The following PTPN3 variants were observed in gnomAD, a reference collection of about 807,000 sequenced individuals.
PTPN3 encodes tyrosine-protein phosphatase non-receptor type 3.
PTPN3 carries 96 observed loss-of-function variants against 132.7 expected under a neutral mutation model. The ratio of observed to expected loss-of-function variants is 0.72; its 90% CI spans 0.61 to 0.86. The LOEUF (loss-of-function observed/expected upper bound fraction) is 0.86. Among genes scored for constraint, PTPN3 ranks in the 40% least tolerant of loss-of-function variants. The pLI is 0.00. For synonymous variants in PTPN3, 398 were observed against 429.0 expected (o/e 0.93, Z 0.89); for missense variants, 1,125 against 1,159.6 (o/e 0.97, Z 0.43).
intron 1 of PTPN3, among the ~76,000 whole-genome samples, chr9:109,492,740 C>A (rs1847518235): frequency 1.3e-5 from 2 of 152,174 alleles, no homozygotes; most frequent in Middle Eastern, 3.2e-3. Context: ...TCTCTGCAAG[C>A]GTGGCTGCTA....
intron 12 of PTPN3, 89 bp from the exon 13 acceptor site, chr9:109,422,941 T>C (rs1008755195): frequency 1.3e-6 from 2 of 1,485,300 alleles, no homozygotes; most frequent in African/African-American, 2.8e-5. Context: ...CACATGCTTC[T>C]TGTCTGAAGG....
At position 109,377,456 on chromosome 9, in the gene PTPN3, AC is replaced by A. The variant is rs1432799484; in HGVS notation, c.*2099del. 1.1e-4 allele frequency: 14 copies of A among 129,936 alleles called. No homozygotes were observed. The highest frequency in any genetic ancestry group is 1.4e-4 in the Non-Finnish European group (9 of 62,306). 8.0% of individuals were successfully genotyped at this position (129,936 alleles called of 1,614,324 possible). ...CACACACACACACACACACACACAC[AC>A]AAGCCAGGTGAGGTGGCATGTGCCT... On this transcript the variant is annotated 3_prime_UTR_variant, in exon 26 of 26. Transcript: ENST00000374541.
chr9:109,404,762 T>TA (rs137880117), intron 18 of PTPN3, among the ~76,000 whole-genome samples, 154 bp from the exon 19 acceptor site: 1 of 152,362 alleles, frequency 6.6e-6, no homozygotes, highest in East Asian at 1.9e-4. Flanking sequence ...TCACCAAAGA[T>TA]ACTACTTCTA....
intron 6 of PTPN3, among the ~76,000 whole-genome samples, chr9:109,446,915 T>C (rs754578745): frequency 6.6e-6 from 1 of 151,892 alleles, no homozygotes; most frequent in Non-Finnish European, 1.5e-5. Context: ...AGATGACACC[T>C]TGAGTGCCGG....
At chr9:109,502,874 T>C (rs549013224), upstream of PTPN3, among the ~76,000 whole-genome samples, 2 of 152,334 alleles carry the variant, frequency 1.3e-5, no homozygotes, top group Admixed American at 1.3e-4. Context: ...ATTTAATGCA[T>C]ACACATAGAA....
intron 2 of PTPN3, among the ~76,000 whole-genome samples, chr9:109,459,144 G>T (rs915074326): frequency 3.3e-5 from 5 of 152,354 alleles, no homozygotes; most frequent in African/African-American, 7.2e-5. Flanking sequence ...GTTCTCAAGA[G>T]AAATTAAAAT....
intron 25 of PTPN3, among the ~76,000 whole-genome samples, 172 bp from the exon 26 acceptor site, chr9:109,379,805 G>A (rs1172747284): frequency 6.6e-6 from 1 of 152,220 alleles, no homozygotes; most frequent in Non-Finnish European, 1.5e-5. Flanking sequence ...CGGGGAGGGG[G>A]CACTCCCAGA....
chr9:109,404,062 T>C (rs1564397289), intron 19 of PTPN3, among the ~76,000 whole-genome samples: 1 of 152,200 alleles, frequency 6.6e-6, no homozygotes. Context: ...CTTCCACTGC[T>C]GGGAGTTTTG....
chr9:109,420,751 C>A lies in PTPN3; in HGVS notation c.1137-151G>T, dbSNP rs1032141561. The stretch of plus-strand genomic sequence containing the variant: ...CAGAGCCGGTTAACTCATTACTACC[C>A]CAGCAGAAGGCACCAAGGGTGACAC... On this transcript the variant is annotated intron_variant, in intron 13 of 25. Coordinates refer to ENST00000374541, the MANE Select transcript of PTPN3 (RefSeq NM_002829.4). 9 of 793,326 alleles carry A rather than the reference C, an allele frequency of 1.1e-5. No homozygotes were observed. In the African/African-American group the frequency reaches 1.6e-4, roughly 14 times the overall value. The allele number at this position is 793,326 out of a possible 1,614,324, so 49.1% of individuals were successfully genotyped here.
chr9:109,427,172 G>C (rs1843341274), intron 11 of PTPN3, 50 bp from the exon 12 acceptor site: 1 of 1,583,890 alleles, frequency 6.3e-7, no homozygotes, highest in South Asian at 1.1e-5. Flanking sequence ...TAGGAGCAGG[G>C]ACTTGTAAGC....
chr9:109,376,787 G>A lies in PTPN3; in HGVS notation c.*2769C>T, dbSNP rs1051446461. ...TGGTGAAACAGGAATCTTGAGCTAC[G>A]GATTTTAAGTGGTAATAGCTACAGG... On this transcript the variant is annotated 3_prime_UTR_variant, in exon 26 of 26. Transcript: ENST00000374541. 2 of 152,196 alleles carry A rather than the reference G, an allele frequency of 1.3e-5. No individual in the cohort carries two copies. Among genetic ancestry groups the A allele is most frequent in the East Asian group, 3.8e-4 (2 of 5,202 alleles). 9.4% of individuals were successfully genotyped at this position (152,196 alleles called of 1,614,324 possible).
At chr9:109,493,866 C>T (rs1847568121) in intron 1 of PTPN3, among the ~76,000 whole-genome samples, 1 of 152,228 alleles carries the variant, frequency 6.6e-6, no homozygotes, top group Admixed American at 6.5e-5. Flanking sequence ...GTTCAGCCCC[C>T]ACCTACTTGT....
chr9:109,476,046 G>A (rs1846650286), intron 1 of PTPN3, among the ~76,000 whole-genome samples: 3 of 152,128 alleles, frequency 2.0e-5, no homozygotes, highest in South Asian at 4.1e-4. Flanking sequence ...TCTCTGGCTC[G>A]GTTTCCCAGG....
In PTPN3 at chr9:109,410,522, G is replaced by C. The variant is rs529070335; in HGVS notation, c.1314-107C>G. 46 of 1,243,788 alleles carry C rather than the reference G, an allele frequency of 3.7e-5. No homozygotes were observed. In the African/African-American group the frequency reaches 3.9e-4, roughly 11 times the overall value. The allele number at this position is 1,243,788 out of a possible 1,614,324, so 77.0% of individuals were successfully genotyped here. A position where few individuals can be genotyped will look rare whatever the true frequency, so the allele number is the denominator to read the frequency against. Reference sequence around the variant, plus strand: ...CAGCTGGGGGCTGTATGTTTCCCTGGAACCTCAGCTGCATAGGTTGTCAGC... The same window carrying C: ...CAGCTGGGGGCTGTATGTTTCCCTGCAACCTCAGCTGCATAGGTTGTCAGC... On this transcript the variant is annotated intron_variant, in intron 14 of 25. Coordinates refer to ENST00000374541, the MANE Select transcript of PTPN3 (RefSeq NM_002829.4).
At chr9:109,450,033 A>G (rs1262727746) in intron 5 of PTPN3, 4 of 983,174 alleles carry the variant, frequency 4.1e-6, no homozygotes, top group Middle Eastern at 5.2e-4. Flanking sequence ...CAGATAGGAT[A>G]TGTGAGGTCA....
intron 2 of PTPN3, among the ~76,000 whole-genome samples, chr9:109,458,601 G>C (rs1309876991): frequency 6.6e-6 from 1 of 152,120 alleles, no homozygotes; most frequent in East Asian, 1.9e-4. Flanking sequence ...ACTTCTTTGG[G>C]GCAGCCTCAG....
intron 14 of PTPN3, among the ~76,000 whole-genome samples, chr9:109,412,219 T>C (rs1045881243): frequency 2.0e-5 from 3 of 152,210 alleles, no homozygotes; most frequent in Non-Finnish European, 4.4e-5. Context: ...TCCATTTTTT[T>C]TTCTTTTGAG....
chr9:109,475,067 G>T (rs1251539252), intron 1 of PTPN3, among the ~76,000 whole-genome samples: 1 of 152,180 alleles, frequency 6.6e-6, no homozygotes, highest in African/African-American at 2.4e-5. Context: ...AACAGACGAA[G>T]GAGCTTTTAA....
At chr9:109,391,953 G>A (rs1293725606) in intron 19 of PTPN3, among the ~76,000 whole-genome samples, 1 of 147,258 alleles carries the variant, frequency 6.8e-6, no homozygotes, top group Non-Finnish European at 1.5e-5. Flanking sequence ...TCAGTTCAAT[G>A]TAGTGAACCA....
Sources: gnomAD v4.1 joint callset for allele counts (sites outside exome capture counted in the v4.1 genomes callset) on GRCh38, gnomAD v4.1.1 for gene constraint, MANE v1.5 for transcripts, NCBI Gene and HGNC (gene_info 2026-07-23, HGNC 2026-07-21) for gene names.